KCNB2: variants seen among roughly 807,000 people sequenced by gnomAD.
KCNB2 encodes delayed rectifier potassium channel protein.
A neutral mutation model predicts 61.5 loss-of-function variants in KCNB2; 15 were observed. The ratio of observed to expected loss-of-function variants is 0.24; its 90% CI spans 0.16 to 0.38. The LOEUF (loss-of-function observed/expected upper bound fraction) is 0.38. Ranked by LOEUF, KCNB2 falls within the 10% of genes least tolerant of loss-of-function variation. The pLI is 1.00. For missense variants in KCNB2, 828 were observed against 1,125.2 expected, an observed-to-expected ratio of 0.74 and a Z score of 3.78; for synonymous variants, 457 against 446.0, an observed-to-expected ratio of 1.02 and a Z score of -0.31.
chr8:72,647,386 G>T (rs1486624568), intron 2 of KCNB2, among the ~76,000 whole-genome samples: 1 of 151,950 alleles, frequency 6.6e-6, no homozygotes, highest in African/African-American at 2.4e-5. Context: ...AATAGCATCT[G>T]TGAAGTTTGC....
intron 2 of KCNB2, among the ~76,000 whole-genome samples, chr8:72,772,724 A>G (rs926430105): frequency 2.6e-5 from 4 of 152,210 alleles, no homozygotes; most frequent in Admixed American, 6.5e-5. Flanking sequence ...ATATACCTAC[A>G]TGTGATTTAC....
At chr8:72,643,182 C>T (rs1806081688) in intron 2 of KCNB2, among the ~76,000 whole-genome samples, 1 of 152,086 alleles carries the variant, frequency 6.6e-6, no homozygotes, top group Non-Finnish European at 1.5e-5. Flanking sequence ...CATCTTGCAC[C>T]TTCATTTTTG....
chr8:72,781,483 A>G (rs1216730083), intron 2 of KCNB2, among the ~76,000 whole-genome samples: 1 of 152,060 alleles, frequency 6.6e-6, no homozygotes, highest in Non-Finnish European at 1.5e-5. Context: ...TCCTTTCCAC[A>G]TTGCTTTTGT....
chr8:72,733,484 C>T (rs1394127932), intron 2 of KCNB2, among the ~76,000 whole-genome samples: 2 of 152,136 alleles, frequency 1.3e-5, no homozygotes, highest in Non-Finnish European at 1.5e-5. Context: ...AGAGTCTACT[C>T]TACCACTAAT....
intron 1 of KCNB2, among the ~76,000 whole-genome samples, chr8:72,558,393 T>C (rs1047750577): frequency 1.2e-4 from 19 of 152,200 alleles, no homozygotes; most frequent in African/African-American, 4.1e-4. Flanking sequence ...AAAAGCACTA[T>C]AATAGATAAA....
intron 2 of KCNB2, among the ~76,000 whole-genome samples, chr8:72,615,062 A>G (rs1805596873): frequency 1.3e-5 from 2 of 152,254 alleles, no homozygotes; most frequent in South Asian, 4.1e-4. Context: ...CTGCCTGAGC[A>G]GCCCTTGGAC....
At chr8:72,569,234 A>C (rs915396455) in intron 2 of KCNB2, among the ~76,000 whole-genome samples, 1 of 152,230 alleles carries the variant, frequency 6.6e-6, no homozygotes, top group Non-Finnish European at 1.5e-5. Flanking sequence ...TTTTGTGCGT[A>C]ATGGATGAAA....
At chr8:72,545,314 C>T (rs1288873337) in intron 1 of KCNB2, among the ~76,000 whole-genome samples, 1 of 152,072 alleles carries the variant, frequency 6.6e-6, no homozygotes, top group African/African-American at 2.4e-5. Flanking sequence ...ACAGATGCTG[C>T]GATTTTCACA....
intron 2 of KCNB2, among the ~76,000 whole-genome samples, chr8:72,706,922 G>T (rs970517861): frequency 2.6e-5 from 4 of 152,194 alleles, no homozygotes; most frequent in African/African-American, 9.7e-5. Flanking sequence ...TTGCCTGACT[G>T]GTTCTCTGCT....
chr8:72,911,915 T>C (rs1046843888), intron 2 of KCNB2, among the ~76,000 whole-genome samples: 7 of 152,216 alleles, frequency 4.6e-5, no homozygotes, highest in African/African-American at 1.7e-4. Flanking sequence ...TTTAGCACTG[T>C]GCATGGACCT....
intron 2 of KCNB2, among the ~76,000 whole-genome samples, chr8:72,592,937 G>C (rs907348947): frequency 6.6e-6 from 1 of 152,118 alleles, no homozygotes; most frequent in African/African-American, 2.4e-5. Context: ...AGTTGGTCTG[G>C]TGTAAGCATT....
chr8:72,729,807 C>T (rs934989518), intron 2 of KCNB2, among the ~76,000 whole-genome samples: 5 of 151,850 alleles, frequency 3.3e-5, no homozygotes, highest in African/African-American at 7.2e-5. Flanking sequence ...CGCTTGAACC[C>T]GGGAGGCGGG....
chr8:72,652,447 G>C (rs574665701), intron 2 of KCNB2, among the ~76,000 whole-genome samples: 1 of 152,032 alleles, frequency 6.6e-6, no homozygotes, highest in Admixed American at 6.6e-5. Flanking sequence ...TTTTTCCATG[G>C]GGCATCTAGA....
At chr8:72,726,716 G>T (rs570471168) in intron 2 of KCNB2, among the ~76,000 whole-genome samples, 1 of 152,230 alleles carries the variant, frequency 6.6e-6, no homozygotes, top group African/African-American at 2.4e-5. Flanking sequence ...TACAAGTTCT[G>T]CATTTTAAAT....
At chr8:72,597,224 C>T (rs557323263) in intron 2 of KCNB2, among the ~76,000 whole-genome samples, 15 of 151,966 alleles carry the variant, frequency 9.9e-5, no homozygotes, top group Non-Finnish European at 1.0e-4. Flanking sequence ...TTAGTAGAGA[C>T]GGGGTTTCAC....
At chr8:72,663,792 G>GA (rs1806419622) in intron 2 of KCNB2, among the ~76,000 whole-genome samples, 1 of 152,056 alleles carries the variant, frequency 6.6e-6, no homozygotes, top group Non-Finnish European at 1.5e-5. Flanking sequence ...TATTTACACT[G>GA]AAAAAATAAT....
chr8:72,778,784 AAAG>A (rs988315023), intron 2 of KCNB2, among the ~76,000 whole-genome samples: 4 of 138,646 alleles, frequency 2.9e-5, no homozygotes, highest in Non-Finnish European at 6.6e-5. Flanking sequence ...AAGAAAAAGA[AAAG>A]AAAAGAAAAA....
intron 2 of KCNB2, among the ~76,000 whole-genome samples, chr8:72,638,258 A>G (rs1261800429): frequency 1.3e-5 from 2 of 151,854 alleles, no homozygotes; most frequent in African/African-American, 4.8e-5. Flanking sequence ...TTTTCTGTTT[A>G]TTTTTATCTT....
At chr8:72,574,675 C>T (rs1402222810) in intron 2 of KCNB2, among the ~76,000 whole-genome samples, 2 of 151,954 alleles carry the variant, frequency 1.3e-5, no homozygotes, top group African/African-American at 4.8e-5. Flanking sequence ...TTTTTTAAAC[C>T]TCAATAAATA....
Sources: allele counts gnomAD v4.1 joint callset (sites outside exome capture counted in the v4.1 genomes callset), GRCh38; gene constraint gnomAD v4.1.1; transcripts MANE v1.5; gene names NCBI Gene and HGNC (gene_info 2026-07-23, HGNC 2026-07-21).